Variants in WDR25 observed in about 807,000 individuals in gnomAD.
WDR25 encodes WD repeat-containing protein 25.
A neutral mutation model predicts 47.7 loss-of-function variants in WDR25; 35 were observed. That is an observed-to-expected ratio of 0.73 (90% CI 0.56 to 0.97). The LOEUF (loss-of-function observed/expected upper bound fraction) is 0.97. Ranked by LOEUF, WDR25 falls within the 50% of genes least tolerant of loss-of-function variation. WDR25 has a pLI of 0.00. For synonymous variants in WDR25, 248 were observed against 278.9 expected, an observed-to-expected ratio of 0.89 and a Z score of 1.10; for missense variants, 634 against 704.7, an observed-to-expected ratio of 0.90 and a Z score of 1.14.
chr14:100,382,302 C>T (rs1324944718), intron 2 of WDR25, among the ~76,000 whole-genome samples: 2 of 152,224 alleles, frequency 1.3e-5, no homozygotes, highest in African/African-American at 2.4e-5. Context: ...CAGCCCAGCC[C>T]GGCAGGGCTC....
chr14:100,513,976 C>T (rs1901401445), intron 4 of WDR25, among the ~76,000 whole-genome samples: 1 of 150,634 alleles, frequency 6.6e-6, no homozygotes, highest in Admixed American at 6.6e-5. Context: ...CGCTCTGTGG[C>T]CCAGGCAGGA....
At chr14:100,497,132 G>T (rs1161026465) in intron 4 of WDR25, among the ~76,000 whole-genome samples, 1 of 152,114 alleles carries the variant, frequency 6.6e-6, no homozygotes, top group Non-Finnish European at 1.5e-5. Context: ...TTCTAAATTT[G>T]CCAAGGTTAG....
chr14:100,502,576 G>T lies in WDR25; in HGVS notation c.1101+18452G>T, dbSNP rs78826037. Among the ~76,000 whole-genome samples the T allele has an allele frequency of 0.015, 2,319 of 152,360 alleles. 65 individuals are homozygous for T. The highest frequency in any genetic ancestry group is 0.045 in the African/African-American group (1,890 of 41,584). On this transcript the variant is annotated intron_variant, in intron 4 of 6. Transcript: ENST00000402312. The surrounding 1 kb of genome is among the most constrained non-coding windows in gnomAD (Gnocchi z 4.5). ...GTGTCCTGGAGCTGCTCACTTTAGA[G>T]TTCTTCATTAGGGGTCCTATAGACA...
chr14:100,488,531 T>C lies in WDR25; in HGVS notation c.1101+4407T>C, dbSNP rs1037779946. On this transcript the variant is annotated intron_variant, in intron 4 of 6. Transcript: ENST00000402312. The surrounding 1 kb of genome is among the most constrained non-coding windows in gnomAD (Gnocchi z 4.2). ...CTGATTCACAATTTTTAAATTGGTA[T>C]CGTAAAGTGGCAGGCCAAGCCACGC... Among the ~76,000 whole-genome samples the C allele has an allele frequency of 6.6e-6, 1 of 152,134 alleles. No homozygotes were observed. Among genetic ancestry groups the C allele is most frequent in the African/African-American group, 2.4e-5 (1 of 41,428 alleles).
intron 1 of WDR25, 95 bp downstream of exon 1, chr14:100,376,590 G>A (rs1288126482): frequency 8.1e-7 from 1 of 1,231,966 alleles, no homozygotes; most frequent in Non-Finnish European, 1.0e-6. Context: ...TCTCATAGCC[G>A]CTCGCCTTCC....
Position 100,523,291 on chromosome 14 carries a change from C to A in WDR25, c.1102-2579C>A, listed in dbSNP as rs888307721. On this transcript the variant is annotated intron_variant, in intron 4 of 6. Transcript: ENST00000402312. This position sits in a 1 kb window ranked among gnomAD's most constrained non-coding sequence, Gnocchi z 4.7. ...GCAGGGCGTCTGTGCCAGGAGCTCA[C>A]AGTCCTGTGGCGTAGGCAGGTGGCT... is the stretch of plus-strand genomic sequence containing the variant. Among the ~76,000 whole-genome samples, 1 of 152,208 alleles carries A rather than the reference C, an allele frequency of 6.6e-6. No homozygotes were observed. Among genetic ancestry groups the A allele is most frequent in the Admixed American group, 6.5e-5 (1 of 15,284 alleles).
In WDR25 at chr14:100,506,036, C is replaced by A. The variant is rs532017885; in HGVS notation, c.1102-19834C>A. 6.6e-6 allele frequency among the ~76,000 whole-genome samples: 1 copy of A among 152,256 alleles called. No homozygotes were observed. Among genetic ancestry groups the A allele is most frequent in the South Asian group, 2.1e-4 (1 of 4,818 alleles). ...TCACCCAGTTACTGAGCATAGTACT[C>A]AACAGTTAGTTTTTCAACCCTTGCC... On this transcript the variant is annotated intron_variant, in intron 4 of 6. Transcript: ENST00000402312. The surrounding 1 kb of genome is among the most constrained non-coding windows in gnomAD (Gnocchi z 4.8).
intron 4 of WDR25, among the ~76,000 whole-genome samples, chr14:100,520,060 ATG>A (rs755623468): frequency 6.9e-4 from 93 of 134,198 alleles, no homozygotes; most frequent in East Asian, 1.1e-3. Flanking sequence ...ATATGTACAT[ATG>A]TGTGTGTGTG....
intron 2 of WDR25, among the ~76,000 whole-genome samples, chr14:100,386,122 C>G (rs1033814280): frequency 6.6e-6 from 1 of 152,124 alleles, no homozygotes; most frequent in Non-Finnish European, 1.5e-5. Flanking sequence ...GAAATTCTTT[C>G]AGTAACAAGC....
rs1026703713 is a variant in WDR25, at chr14:100,440,322, C to T, written c.823-27699C>T. Among the ~76,000 whole-genome samples, 1 of 152,258 alleles carries T rather than the reference C, an allele frequency of 6.6e-6. No homozygotes were observed. On this transcript the variant is annotated intron_variant, in intron 2 of 6. Transcript: ENST00000402312. The surrounding 1 kb of genome is among the most constrained non-coding windows in gnomAD (Gnocchi z 4.4). ...TTGCAAAATAGCTACTCTCAAAATG[C>T]AGACAGGCAGCCACAGTCAGGGAGC...
chr14:100,439,322 G>A (rs917803925), intron 2 of WDR25, among the ~76,000 whole-genome samples: 11 of 152,216 alleles, frequency 7.2e-5, no homozygotes, highest in African/African-American at 2.4e-4. Flanking sequence ...AGCTGCTGTT[G>A]CTTCAGCCCC....
intron 2 of WDR25, among the ~76,000 whole-genome samples, chr14:100,467,354 G>A (rs982924572): frequency 6.6e-6 from 1 of 151,914 alleles, no homozygotes; most frequent in Non-Finnish European, 1.5e-5. Flanking sequence ...GGATGCAGGC[G>A]AGCCTGGGAT....
At chr14:100,383,563 G>A (rs1263512161) in intron 2 of WDR25, among the ~76,000 whole-genome samples, 1 of 152,252 alleles carries the variant, frequency 6.6e-6, no homozygotes, top group Non-Finnish European at 1.5e-5. Flanking sequence ...GATGGTGAGG[G>A]GCAGACCTGG....
At chr14:100,521,190 A>G (rs1201554091) in intron 4 of WDR25, among the ~76,000 whole-genome samples, 6 of 151,772 alleles carry the variant, frequency 4.0e-5, no homozygotes, top group Non-Finnish European at 7.4e-5. Flanking sequence ...ACACACACAC[A>G]CACACACACA....
chr14:100,496,692 A>G (rs886348706), intron 4 of WDR25, among the ~76,000 whole-genome samples: 4 of 152,096 alleles, frequency 2.6e-5, no homozygotes, highest in Non-Finnish European at 5.9e-5. Context: ...TTTTAATCCA[A>G]TTACAAATAC....
chr14:100,503,114 G>A (rs1182165886), intron 4 of WDR25, among the ~76,000 whole-genome samples: 3 of 151,896 alleles, frequency 2.0e-5, no homozygotes, highest in Non-Finnish European at 2.9e-5. Flanking sequence ...AACAAGGTCA[G>A]CTTGGCTGCC....
chr14:100,399,832 TC>T (rs1481190481), intron 2 of WDR25, among the ~76,000 whole-genome samples: 3 of 152,208 alleles, frequency 2.0e-5, no homozygotes, highest in Non-Finnish European at 4.4e-5. Flanking sequence ...GTAATCTACT[TC>T]CCTGTGGCTC....
chr14:100,420,584 G>T (rs1897998643), intron 2 of WDR25, among the ~76,000 whole-genome samples: 2 of 152,048 alleles, frequency 1.3e-5, no homozygotes, highest in South Asian at 2.1e-4. Flanking sequence ...CTATTGCTAG[G>T]GTTGGAATTG....
At position 100,421,228 on chromosome 14, in the gene WDR25, A is replaced by G. The variant is rs73343580; in HGVS notation, c.822+39482A>G. ...TCTTTCATCCCTGTGTTTCAAGTTC[A>G]CAGAGTCCCTTGGGTTAGAAAATAT... On this transcript the variant is annotated intron_variant, in intron 2 of 6. Transcript: ENST00000402312. Among the ~76,000 whole-genome samples, 732 of 152,274 alleles carry G rather than the reference A, an allele frequency of 4.8e-3. 10 individuals are homozygous for G. The highest frequency in any genetic ancestry group is 0.017 in the African/African-American group (688 of 41,560).
Sources: allele counts gnomAD v4.1 joint callset (sites outside exome capture counted in the v4.1 genomes callset), GRCh38; gene constraint gnomAD v4.1.1; non-coding constraint Gnocchi (gnomAD v3.1); transcripts MANE v1.5; gene names NCBI Gene and HGNC (gene_info 2026-07-23, HGNC 2026-07-21).